The following ZNF609 variants were observed in gnomAD, a reference collection of about 807,000 sequenced individuals.
ZNF609 encodes zinc finger protein 609.
A neutral mutation model predicts 109.5 loss-of-function variants in ZNF609; 11 were observed. That is an observed-to-expected ratio of 0.10 (90% CI 0.06 to 0.17). The LOEUF is 0.17. Among genes scored for constraint, ZNF609 ranks in the 10% least tolerant of loss-of-function variants. The probability of loss-of-function intolerance (pLI) is 1.00; values close to 1 mark genes in which losing one functional copy is unlikely to be tolerated. For synonymous variants in ZNF609, 646 were observed against 662.0 expected (o/e 0.98, Z 0.37); for missense variants, 1,559 against 1,772.4 (o/e 0.88, Z 2.16).
At chr15:64,472,809 T>C (rs1434990702) in intron 1 of ZNF609, among the ~76,000 whole-genome samples, 1 of 152,066 alleles carries the variant, frequency 6.6e-6, no homozygotes, top group Non-Finnish European at 1.5e-5. Context: ...ATCATGCCAC[T>C]TTACTCCAGC....
At chr15:64,493,187 G>A (rs1236424605) in intron 1 of ZNF609, among the ~76,000 whole-genome samples, 2 of 152,100 alleles carry the variant, frequency 1.3e-5, no homozygotes, top group African/African-American at 2.4e-5. Flanking sequence ...GAGATCTCTC[G>A]GGGGTGAAAG....
intron 2 of ZNF609, among the ~76,000 whole-genome samples, chr15:64,572,882 CAA>C (rs1309059354): frequency 6.6e-6 from 1 of 152,038 alleles, no homozygotes; most frequent in Non-Finnish European, 1.5e-5. Context: ...GCCTGGACAA[CAA>C]GAGCAAAACT....
chr15:64,491,616 A>C (rs111413101), intron 1 of ZNF609, among the ~76,000 whole-genome samples: 7,324 of 152,128 alleles, frequency 0.048, 235 homozygotes, highest in South Asian at 0.086. Flanking sequence ...TGGGAGGCTG[A>C]GGTGGGCAGA....
At chr15:64,584,828 C>T (rs1296362241) in intron 2 of ZNF609, among the ~76,000 whole-genome samples, 2 of 150,358 alleles carry the variant, frequency 1.3e-5, no homozygotes, top group Non-Finnish European at 3.0e-5. Context: ...GGGGTTTCAC[C>T]ATGTTGGCCA....
At chr15:64,620,022 A>G (rs1895855301) in intron 2 of ZNF609, among the ~76,000 whole-genome samples, 1 of 152,170 alleles carries the variant, frequency 6.6e-6, no homozygotes, top group Non-Finnish European at 1.5e-5. Flanking sequence ...GAGAAAGTGT[A>G]TAGGTGTCTC....
At chr15:64,539,542 C>T (rs1250410472) in intron 2 of ZNF609, among the ~76,000 whole-genome samples, 1 of 137,350 alleles carries the variant, frequency 7.3e-6, no homozygotes, top group South Asian at 2.3e-4. Context: ...CTCACTCTGT[C>T]ACCCAGGCTG....
In ZNF609 at chr15:64,507,856, A is replaced by G. The variant is rs148486406; in HGVS notation, c.747+7690A>G. ...TTGGGGTGGGCCTGGAACCATTAGCATCAGGAAGGTGCCAGACCATATTAA... is the reference window on the plus strand; with the variant it reads ...TTGGGGTGGGCCTGGAACCATTAGCGTCAGGAAGGTGCCAGACCATATTAA... On this transcript the variant is annotated intron_variant, in intron 2 of 9. Transcript: ENST00000326648. Among the ~76,000 whole-genome samples the G allele has an allele frequency of 6.1e-3, 924 of 152,300 alleles. 9 individuals are homozygous for G. The highest frequency in any genetic ancestry group is 0.021 in the African/African-American group (867 of 41,556).
At chr15:64,672,979 A>G (rs1896758315) in intron 4 of ZNF609, among the ~76,000 whole-genome samples, 1 of 151,660 alleles carries the variant, frequency 6.6e-6, no homozygotes, top group Admixed American at 6.6e-5. Context: ...AAAAAAAAAA[A>G]GAATCAGAAG....
chr15:64,475,044 C>T (rs2140332807), intron 1 of ZNF609, among the ~76,000 whole-genome samples: 1 of 150,556 alleles, frequency 6.6e-6, no homozygotes, highest in Non-Finnish European at 1.5e-5. Context: ...CCTCCTACCT[C>T]AGCCTCCCAA....
At chr15:64,656,493 G>A (rs1896489638) in intron 3 of ZNF609, among the ~76,000 whole-genome samples, 1 of 152,108 alleles carries the variant, frequency 6.6e-6, no homozygotes, top group Non-Finnish European at 1.5e-5. Flanking sequence ...ACATGCCTCA[G>A]TTCTTCACTT....
intron 2 of ZNF609, among the ~76,000 whole-genome samples, chr15:64,553,514 T>A (rs1301565890): frequency 6.6e-6 from 1 of 151,738 alleles, no homozygotes; most frequent in Non-Finnish European, 1.5e-5. Context: ...ATGGTATTTT[T>A]AAAATTCAGT....
intron 2 of ZNF609, among the ~76,000 whole-genome samples, chr15:64,583,180 C>G (rs1400560354): frequency 6.6e-6 from 1 of 151,456 alleles, no homozygotes; most frequent in East Asian, 2.0e-4. Context: ...TTACAGGCAC[C>G]CGCCACCACA....
chr15:64,680,217 C>G lies in ZNF609; in HGVS notation c.3802C>G (p.Pro1268Ala). The G allele has an allele frequency of 1.2e-6, 2 of 1,614,132 alleles. No individual in the cohort carries two copies. Among genetic ancestry groups the G allele is most frequent in the Non-Finnish European group, 1.7e-6 (2 of 1,180,016 alleles). ...CCTGCCTTCCAGCTACTCTTTTTCC[C>G]CATATGGCAGCAAGGTCTCAGGTGG... ...SYLPSSYSFS[P>A]YGSKVSGGED... Residue 1268 changes from proline to alanine, a missense_variant, in exon 7 of 10, where the codon CCA (proline) becomes GCA (alanine). Transcript: ENST00000326648.
chr15:64,566,625 C>A (rs1244795312), intron 2 of ZNF609, among the ~76,000 whole-genome samples: 1 of 152,130 alleles, frequency 6.6e-6, no homozygotes, highest in Non-Finnish European at 1.5e-5. Context: ...TTAATTGATT[C>A]ACAGCTTAAA....
At chr15:64,509,258 A>G (rs576211009) in intron 2 of ZNF609, among the ~76,000 whole-genome samples, 1 of 152,210 alleles carries the variant, frequency 6.6e-6, no homozygotes, top group Non-Finnish European at 1.5e-5. Flanking sequence ...AGAGCAGAAG[A>G]GCAGAAAAGA....
chr15:64,598,821 G>A (rs1261789707), intron 2 of ZNF609, among the ~76,000 whole-genome samples: 2 of 132,980 alleles, frequency 1.5e-5, no homozygotes, highest in Non-Finnish European at 3.1e-5. Context: ...CCTAGAAATT[G>A]AATTTTGGGA....
At chr15:64,509,929 G>C (rs1222771167) in intron 2 of ZNF609, among the ~76,000 whole-genome samples, 4 of 152,174 alleles carry the variant, frequency 2.6e-5, no homozygotes, top group Admixed American at 6.5e-5. Context: ...TTGAAGTACT[G>C]TAGTCCCCCC....
In ZNF609 at chr15:64,676,055, C is replaced by T. The variant is rs1359179369; in HGVS notation, c.3201C>T (p.Ala1067=). 6.2e-7 allele frequency: 1 copy of T among 1,614,210 alleles called. No individual in the cohort carries two copies. The change falls in exon 5 of 10, where the codon GCC becomes GCT. Residue 1067 remains alanine, a synonymous_variant. Transcript: ENST00000326648. ...TGGTGAAATCAGGACCTGGCAAGGC[C>T]AAGGAGCCAGGGGCTGACCCAGCCA... ...TDLVKSGPGK[A]KEPGADPAKS... is the part of the protein sequence containing the mutation.
At chr15:64,500,271 G>A in intron 2 of ZNF609, 105 bp downstream of exon 2, 4 of 1,432,456 alleles carry the variant, frequency 2.8e-6, no homozygotes, top group Non-Finnish European at 3.8e-6. Flanking sequence ...TTAGTGTGTG[G>A]GTAATGACCA....
Sources: allele counts gnomAD v4.1 joint callset (sites outside exome capture counted in the v4.1 genomes callset), GRCh38; gene constraint gnomAD v4.1.1; transcripts MANE v1.5; gene names NCBI Gene and HGNC (gene_info 2026-07-23, HGNC 2026-07-21).